The following DENND2B variants were observed in gnomAD, a reference collection of about 807,000 sequenced individuals.
The protein encoded by DENND2B is DENN domain-containing protein 2B.
DENND2B carries 32 observed loss-of-function variants against 116.0 expected under a neutral mutation model. That is an observed-to-expected ratio of 0.28 (90% CI 0.21 to 0.37). DENND2B has a LOEUF of 0.37. Ranked by LOEUF, DENND2B falls within the 10% of genes least tolerant of loss-of-function variation. DENND2B has a pLI of 1.00. For missense variants in DENND2B, 1,276 were observed against 1,477.7 expected (o/e 0.86, Z 2.24); for synonymous variants, 588 against 583.9 (o/e 1.01, Z -0.10).
intron 1 of DENND2B, among the ~76,000 whole-genome samples, chr11:8,896,647 C>A (rs1181250051): frequency 6.6e-6 from 1 of 152,106 alleles, no homozygotes; most frequent in Non-Finnish European, 1.5e-5. Flanking sequence ...TGTTGAATAC[C>A]CACACAACCA....
chr11:8,764,157 T>C (rs555774666), intron 1 of DENND2B, among the ~76,000 whole-genome samples: 3 of 151,834 alleles, frequency 2.0e-5, no homozygotes, highest in East Asian at 1.9e-4. Context: ...GAGGCGGAGG[T>C]TGCAGTGAGC....
At chr11:8,718,663 G>A in intron 4 of DENND2B, 3 of 1,253,316 alleles carry the variant, frequency 2.4e-6, no homozygotes, top group African/African-American at 1.5e-5. Flanking sequence ...GAAAGGCTTG[G>A]AAGGAGTCTG....
intron 1 of DENND2B, chr11:8,774,082 T>C: frequency 1.0e-6 from 1 of 982,766 alleles, no homozygotes; most frequent in Non-Finnish European, 1.2e-6. Context: ...CGAAGTGCTG[T>C]TGTACAGATT....
intron 4 of DENND2B, among the ~76,000 whole-genome samples, chr11:8,824,556 T>G (rs12222526): frequency 0.44 from 67,276 of 151,806 alleles, 15,696 homozygotes; most frequent in East Asian, 0.6. Context: ...GGCTGCATAG[T>G]ATTCCATGCT....
intron 1 of DENND2B, among the ~76,000 whole-genome samples, chr11:8,752,358 A>T (rs567992692): frequency 1.9e-4 from 29 of 152,190 alleles, no homozygotes; most frequent in African/African-American, 7.0e-4. Context: ...AGGCTGAGGC[A>T]GGAGAATTGC....
intron 15 of DENND2B, 31 bp downstream of exon 15, chr11:8,699,182 T>C: frequency 1.3e-6 from 2 of 1,502,452 alleles, no homozygotes; most frequent in Non-Finnish European, 1.8e-6. Flanking sequence ...CCCTCCACCC[T>C]TCCCCCCAGC....
chr11:8,782,945 G>A lies in DENND2B; in HGVS notation c.-26+27572C>T, dbSNP rs188807255. On this transcript the variant is annotated intron_variant, in intron 1 of 19. Coordinates refer to ENST00000313726, the MANE Select transcript of DENND2B (RefSeq NM_213618.2). The stretch of plus-strand genomic sequence containing the variant: ...AATTTAAGTATATTACATAGCTTTC[G>A]AACCAGTAATTCCATTTTTAGAAAC... 6.7e-5 allele frequency among the ~76,000 whole-genome samples: 10 copies of A among 148,760 alleles called. No homozygotes were observed. The East Asian group carries it at 1.4e-3, about 21-fold the overall frequency.
chr11:8,763,967 G>A (rs1050999138), intron 1 of DENND2B, among the ~76,000 whole-genome samples: 7 of 152,034 alleles, frequency 4.6e-5, no homozygotes, highest in African/African-American at 1.2e-4. Flanking sequence ...CTCAAGCCTG[G>A]AATCCCAGCA....
intron 1 of DENND2B, among the ~76,000 whole-genome samples, chr11:8,751,897 G>A (rs1466731290): frequency 6.6e-6 from 1 of 151,942 alleles, no homozygotes; most frequent in Non-Finnish European, 1.5e-5. Context: ...GAATATACTT[G>A]AAACTGACTT....
rs139506267 is a variant in DENND2B at position 8,821,955 on chromosome 11, C to G, written c.-114-10620G>C. On this transcript the variant is annotated intron_variant, in intron 4 of 6. Coordinates refer to the DENND2B transcript ENST00000524757. ...TACAAGTGTGCACCACCACACCCTG[C>G]TAATTTTTTTATTTTTTGTAGACAG... Among the ~76,000 whole-genome samples, 1,404 of 152,240 alleles carry G rather than the reference C, an allele frequency of 9.2e-3. 24 individuals are homozygous for G. Among genetic ancestry groups the G allele is most frequent in the African/African-American group, 0.032 (1,340 of 41,520 alleles).
At chr11:8,841,131 C>T (rs2062609179) in intron 3 of DENND2B, among the ~76,000 whole-genome samples, 1 of 152,138 alleles carries the variant, frequency 6.6e-6, no homozygotes, top group Non-Finnish European at 1.5e-5. Context: ...ATATAATAGA[C>T]AAGTGGAAGG....
At chr11:8,767,859 C>T (rs892563747) in intron 1 of DENND2B, among the ~76,000 whole-genome samples, 1 of 152,122 alleles carries the variant, frequency 6.6e-6, no homozygotes, top group Admixed American at 6.5e-5. Context: ...GGAAAGAGTA[C>T]CCCAAGGGCC....
At chr11:8,705,830 C>A (rs2042503441) in intron 13 of DENND2B, among the ~76,000 whole-genome samples, 1 of 152,242 alleles carries the variant, frequency 6.6e-6, no homozygotes, top group Non-Finnish European at 1.5e-5. Context: ...TTCCCCTGTT[C>A]TACCACATCT....
chr11:8,815,658 T>C (rs1400722969), upstream of DENND2B, among the ~76,000 whole-genome samples: 2 of 152,258 alleles, frequency 1.3e-5, no homozygotes, highest in Non-Finnish European at 2.9e-5. Flanking sequence ...TTCAATCTCC[T>C]GATAGAATCT....
chr11:8,730,284 T>C lies in DENND2B; in HGVS notation c.1006A>G (p.Ser336Gly). Residue 336 changes from serine to glycine, a missense_variant, in exon 3 of 20, where the codon AGC becomes GGC. Physicochemically the swap from Ser to Gly is moderately conservative, Grantham distance 56 (BLOSUM62 0). Around this residue, in one of 2 missense-constraint regions of DENND2B, gnomAD observed 856 missense variants for 846.6 expected, o/e 1.01. Transcript: ENST00000313726. The surrounding 1 kb of genome is among the most constrained non-coding windows in gnomAD (Gnocchi z 4.1). ...ACACCAGCCACTCCGACTGCCCGGC[T>C]GCCAGCGCTCACACTCGCGCCCCCT... The part of the protein sequence containing the change: ...PAGGASVSAG[S>G]RAVGVAGVAG... 7 of 1,608,968 alleles carry C rather than the reference T, an allele frequency of 4.4e-6. No homozygotes were observed. Among genetic ancestry groups the C allele is most frequent in the Non-Finnish European group, 5.9e-6 (7 of 1,179,078 alleles).
intron 1 of DENND2B, among the ~76,000 whole-genome samples, chr11:8,889,321 A>G (rs903048326): frequency 1.3e-5 from 2 of 152,218 alleles, no homozygotes; most frequent in Non-Finnish European, 2.9e-5. Flanking sequence ...CATGAGGGAC[A>G]CAGAAGACGG....
intron 2 of DENND2B, among the ~76,000 whole-genome samples, chr11:8,867,720 C>G (rs988658337): frequency 2.0e-5 from 3 of 151,568 alleles, no homozygotes; most frequent in Non-Finnish European, 2.9e-5. Flanking sequence ...ATAGTTGGGA[C>G]CACAGGCACA....
At chr11:8,696,181 G>T (rs2040324806) in intron 18 of DENND2B, among the ~76,000 whole-genome samples, 1 of 152,166 alleles carries the variant, frequency 6.6e-6, no homozygotes, top group African/African-American at 2.4e-5. Flanking sequence ...GCAACCAATG[G>T]CATGCTGCTC....
At chr11:8,901,807 T>C (rs1412117759) in intron 1 of DENND2B, among the ~76,000 whole-genome samples, 1 of 152,182 alleles carries the variant, frequency 6.6e-6, no homozygotes, top group Non-Finnish European at 1.5e-5. Context: ...TTTAATTCTA[T>C]TGTGGGTAGA....
Sources: gnomAD v4.1 joint callset for allele counts (sites outside exome capture counted in the v4.1 genomes callset) on GRCh38, gnomAD v4.1.1 for gene constraint, gnomAD v4.1.1 regional missense constraint, Gnocchi (gnomAD v3.1) non-coding constraint, MANE v1.5 for transcripts, NCBI Gene and HGNC (gene_info 2026-07-23, HGNC 2026-07-21) for gene names.